The following ADCY10 variants were observed in gnomAD, a reference collection of about 807,000 sequenced individuals.
The protein encoded by ADCY10 is adenylate cyclase 10.
ADCY10 carries 156 observed loss-of-function variants against 183.3 expected under a neutral mutation model. The observed-to-expected ratio is 0.85, with a 90% CI of 0.75 to 0.97. The LOEUF (loss-of-function observed/expected upper bound fraction) is 0.97. ADCY10 is among the 50% of genes least tolerant of loss of function. The pLI is 0.00. For missense variants in ADCY10, 1,745 were observed against 1,934.3 expected (o/e 0.90, Z 1.84); for synonymous variants, 645 against 670.0 (o/e 0.96, Z 0.58).
In ADCY10 at chr1:167,880,149, C is replaced by T. The variant is rs1305517766; in HGVS notation, c.1182G>A (p.Gly394=). ...CGTGTCTCACAGTGTGTCCAACGAT[C>T]CCACAGAAGACAATCCCACTGGCAA... The part of the protein sequence containing the change: ...IGVASGIVFC[G]IVGHTVRHEY... The change falls in exon 11 of 33, where the codon GGG becomes GGA. Residue 394 remains glycine (G), a synonymous_variant. Coordinates refer to ENST00000367851, the MANE Select transcript of ADCY10 (RefSeq NM_018417.6). 1 of 1,613,340 alleles carries T rather than the reference C, an allele frequency of 6.2e-7. No individual in the cohort carries two copies. Among genetic ancestry groups the T allele is most frequent in the Non-Finnish European group, 8.5e-7 (1 of 1,179,806 alleles).
chr1:167,885,643 G>A (rs1205765611), intron 8 of ADCY10, among the ~76,000 whole-genome samples: 1 of 151,800 alleles, frequency 6.6e-6, no homozygotes, highest in Non-Finnish European at 1.5e-5. Flanking sequence ...TTGAGACGGA[G>A]TCTCACTCTG....
chr1:167,820,158 C>T, intron 30 of ADCY10: 3 of 1,543,404 alleles, frequency 1.9e-6, no homozygotes, highest in Middle Eastern at 2.2e-4. Flanking sequence ...ATTTCCTGCC[C>T]CGCAGATTCC....
chr1:167,869,144 G>A (rs1007290100), intron 14 of ADCY10, among the ~76,000 whole-genome samples: 5 of 152,148 alleles, frequency 3.3e-5, no homozygotes, highest in Non-Finnish European at 7.4e-5. Context: ...GCACGGATTC[G>A]ACCCTGAAGC....
In ADCY10 at chr1:167,837,248, C is replaced by G. The variant is rs759045318; in HGVS notation, c.3077+1G>C. 6.2e-7 allele frequency: 1 copy of G among 1,611,048 alleles called. No individual in the cohort carries two copies. Among genetic ancestry groups the G allele is most frequent in the African/African-American group, 1.3e-5 (1 of 74,828 alleles). ...TCCTAAACAATGATATATGCCTCTA[C>G]CTGCGATTTTCAGGAAAAAATGCAG... On this transcript the variant is annotated splice_donor_variant, in intron 22 of 32. Transcript: ENST00000367851. LOFTEE classifies it high-confidence loss of function.
chr1:167,870,509 T>TG (rs1667024510), intron 13 of ADCY10, 99 bp from the exon 14 acceptor site: 1 of 1,114,962 alleles, frequency 9.0e-7, no homozygotes, highest in Non-Finnish European at 1.3e-6. Flanking sequence ...AAAATATCCT[T>TG]GGGCCAGGCG....
Position 167,845,773 on chromosome 1 carries a change from T to A in ADCY10, c.2797A>T (p.Met933Leu), listed in dbSNP as rs111468176. Residue 933 changes from methionine (M) to leucine (L), a missense_variant, in exon 21 of 33, where the codon ATG becomes TTG. Transcript: ENST00000367851. Reference sequence around the variant, plus strand: ...CACAGCTCGTAGGCTGTTTTCTGCATCATAGGGTTACAGAATCGAATCCTG... The same window carrying A: ...CACAGCTCGTAGGCTGTTTTCTGCAACATAGGGTTACAGAATCGAATCCTG... The part of the protein sequence containing the change: ...CHRIRFCNPM[M>L]QKTAYELWLK... The A allele has an allele frequency of 6.2e-6, 10 of 1,614,128 alleles. No homozygotes were observed. The Admixed American group carries it at 8.3e-5, about 13-fold the overall frequency.
At chr1:167,842,347 T>G (rs967132005) in intron 21 of ADCY10, among the ~76,000 whole-genome samples, 1 of 152,054 alleles carries the variant, frequency 6.6e-6, no homozygotes, top group Non-Finnish European at 1.5e-5. Flanking sequence ...GAGTCTCAGT[T>G]TGTTGTCCAG....
intron 13 of ADCY10, among the ~76,000 whole-genome samples, chr1:167,872,853 C>T (rs909625576): frequency 1.3e-5 from 2 of 150,940 alleles, no homozygotes; most frequent in Admixed American, 6.6e-5. Flanking sequence ...GGGCAGATCA[C>T]GAGATCAGGA....
intron 1 of ADCY10, among the ~76,000 whole-genome samples, chr1:167,909,078 T>C (rs982654446): frequency 6.6e-5 from 10 of 152,170 alleles, no homozygotes; most frequent in Admixed American, 1.3e-4. Context: ...TACCCTTCTC[T>C]TTTCCCTGAA....
At chr1:167,839,897 T>G (rs1664486690) in intron 21 of ADCY10, among the ~76,000 whole-genome samples, 1 of 152,128 alleles carries the variant, frequency 6.6e-6, no homozygotes, top group Non-Finnish European at 1.5e-5. Context: ...TATTCCTTCT[T>G]CAACATTCTA....
intron 8 of ADCY10, among the ~76,000 whole-genome samples, chr1:167,891,436 C>T (rs1310849311): frequency 6.6e-6 from 1 of 151,514 alleles, no homozygotes; most frequent in Non-Finnish European, 1.5e-5. Flanking sequence ...GCGGGAAGAT[C>T]ACGAGGTCAG....
chr1:167,901,106 C>T (rs936299269), intron 5 of ADCY10, among the ~76,000 whole-genome samples: 6 of 152,104 alleles, frequency 3.9e-5, no homozygotes, highest in Non-Finnish European at 5.9e-5. Flanking sequence ...AATGTTTGCA[C>T]GTGCATAGTG....
intron 8 of ADCY10, among the ~76,000 whole-genome samples, chr1:167,884,503 A>C (rs996866382): frequency 1.3e-5 from 2 of 152,152 alleles, no homozygotes; most frequent in Admixed American, 6.5e-5. Flanking sequence ...ATACAAATCC[A>C]AACCATATCA....
At chr1:167,831,487 C>T (rs1024734869) in intron 25 of ADCY10, among the ~76,000 whole-genome samples, 1 of 152,224 alleles carries the variant, frequency 6.6e-6, no homozygotes, top group African/African-American at 2.4e-5. Flanking sequence ...AGCCACAACA[C>T]CCAGCCCTGG....
chr1:167,841,340 A>G (rs1664622601), intron 21 of ADCY10, among the ~76,000 whole-genome samples: 1 of 151,992 alleles, frequency 6.6e-6, no homozygotes, highest in African/African-American at 2.4e-5. Context: ...TCTGCCTAGA[A>G]CAGTCTTCCC....
At chr1:167,905,465 G>A (rs1669747644) in intron 1 of ADCY10, among the ~76,000 whole-genome samples, 1 of 152,188 alleles carries the variant, frequency 6.6e-6, no homozygotes, top group African/African-American at 2.4e-5. Flanking sequence ...GCAGGAAGGG[G>A]TAGGCCCTCG....
chr1:167,896,631 T>C lies in ADCY10; in HGVS notation c.703A>G (p.Thr235Ala), dbSNP rs896499646. ...NFDEFFTKCT[T>A]FMHYYPSGEH... ...CCAGAAGGATAATAATGCATGAAGG[T>C]CGTACACTTTGTGAAAAATTCATCA... Residue 235 changes from threonine to alanine, a missense_variant, in exon 7 of 33, where the codon ACC becomes GCC. By Grantham distance (58) the Thr-to-Ala change is moderately conservative (BLOSUM62 0). Transcript: ENST00000367851. 2 of 1,613,692 alleles carry C rather than the reference T, an allele frequency of 1.2e-6. No individual in the cohort carries two copies. Among genetic ancestry groups the C allele is most frequent in the African/African-American group, 1.3e-5 (1 of 74,906 alleles).
chr1:167,863,978 C>T (rs1360184802), intron 14 of ADCY10, among the ~76,000 whole-genome samples: 1 of 152,006 alleles, frequency 6.6e-6, no homozygotes, highest in Non-Finnish European at 1.5e-5. Flanking sequence ...GGGAACTTGC[C>T]CACTCCATTC....
At chr1:167,853,159 C>T (rs1431804392) in intron 18 of ADCY10, among the ~76,000 whole-genome samples, 3 of 152,126 alleles carry the variant, frequency 2.0e-5, no homozygotes, top group East Asian at 1.9e-4. Context: ...CAGAGGAATA[C>T]GTTTTGACCC....
Sources: allele counts gnomAD v4.1 joint callset (sites outside exome capture counted in the v4.1 genomes callset), GRCh38; gene constraint gnomAD v4.1.1; transcripts MANE v1.5; gene names NCBI Gene and HGNC (gene_info 2026-07-23, HGNC 2026-07-21).